BTBD9: variants seen among roughly 807,000 people sequenced by gnomAD.
BTBD9 encodes the protein BTB/POZ domain-containing protein 9.
In BTBD9, 49 loss-of-function variants were observed where a neutral mutation model predicts 64.3. That is an observed-to-expected ratio of 0.76 (90% confidence interval 0.61 to 0.97). The LOEUF is 0.97. BTBD9 is among the 50% of genes least tolerant of loss of function. BTBD9 has a pLI of 0.00. For missense variants in BTBD9, 598 were observed against 762.1 expected, an observed-to-expected ratio of 0.78 and a Z score of 2.53; for synonymous variants, 260 against 274.7, an observed-to-expected ratio of 0.95 and a Z score of 0.53.
chr6:38,182,649 A>C (rs549342507), intron 10 of BTBD9, among the ~76,000 whole-genome samples: 18 of 152,222 alleles, frequency 1.2e-4, no homozygotes, highest in African/African-American at 4.3e-4. Context: ...CTTCTGTCTC[A>C]AAGGGCTCCA....
intron 6 of BTBD9, among the ~76,000 whole-genome samples, chr6:38,474,789 G>C (rs1770804292): frequency 6.6e-6 from 1 of 151,686 alleles, no homozygotes; most frequent in Non-Finnish European, 1.5e-5. Context: ...CAAATTTTTA[G>C]TCCACATCAT....
rs180761028 is a variant in BTBD9, at chr6:38,441,478, C to G, written c.1155-96385G>C. Among the ~76,000 whole-genome samples the G allele has an allele frequency of 3.1e-3, 472 of 152,128 alleles. 2 individuals are homozygous for G. Among genetic ancestry groups the G allele is most frequent in the African/African-American group, 0.011 (451 of 41,516 alleles). On this transcript the variant is annotated intron_variant, in intron 6 of 10. Transcript: ENST00000481247. ...AGTCTGTCGTCCGGGCTGGACAACG[C>G]GAGCCAATCATGGCTCACGGCAGCC...
In BTBD9 at chr6:38,580,292, G is replaced by A. The variant is rs771686344; in HGVS notation, c.960C>T (p.Ser320=). 3.7e-5 allele frequency: 59 copies of A among 1,614,008 alleles called. No individual in the cohort carries two copies. Among genetic ancestry groups the A allele is most frequent in the African/African-American group, 1.6e-4 (12 of 74,906 alleles). The change falls in exon 5 of 11, where the codon TCC becomes TCT. Residue 320 remains serine, a synonymous_variant. Transcript: ENST00000481247. ...SRHPIDDDCR[S]GIEIKLGQPS... is the part of the protein sequence containing the mutation. ...GCTGACCTAGCTTAATCTCGATGCC[G>A]GAACGGCAGTCATCATCAATTGGGT...
rs538379842 is a variant in BTBD9, at chr6:38,227,352, T to C, written c.1562+29057A>G. Among the ~76,000 whole-genome samples, 5 of 152,306 alleles carry C rather than the reference T, an allele frequency of 3.3e-5. No individual in the cohort carries two copies. The South Asian group carries it at 1.0e-3, about 32-fold the overall frequency. Reference sequence around the variant, plus strand: ...TTTAGTAGGCGGTTACATTCTTCTATATGCTGGTTTTTAATTCCTTGGATC... The same window carrying C: ...TTTAGTAGGCGGTTACATTCTTCTACATGCTGGTTTTTAATTCCTTGGATC... On this transcript the variant is annotated intron_variant, in intron 9 of 10. Coordinates refer to ENST00000481247, the MANE Select transcript of BTBD9 (RefSeq NM_001099272.2).
chr6:38,315,503 T>C lies in BTBD9; in HGVS notation c.1265-27042A>G, dbSNP rs1582216793. On this transcript the variant is annotated intron_variant, in intron 7 of 10. Coordinates refer to ENST00000481247, the MANE Select transcript of BTBD9 (RefSeq NM_001099272.2). ...TTTAAATCCCACAGGTTTTGGTATG[T>C]TGTGTTTCCATTATCATTTGTTTCA... Among the ~76,000 whole-genome samples, 3 of 152,232 alleles carry C rather than the reference T, an allele frequency of 2.0e-5. No homozygotes were observed. The South Asian group carries it at 6.2e-4, about 32-fold the overall frequency.
intron 8 of BTBD9, among the ~76,000 whole-genome samples, chr6:38,274,544 G>A (rs986703337): frequency 4.6e-5 from 7 of 152,168 alleles, no homozygotes; most frequent in Non-Finnish European, 8.8e-5. Context: ...ATTATTTTGA[G>A]ATGCGTCCCA....
chr6:38,279,782 C>G (rs1761439655), intron 8 of BTBD9, among the ~76,000 whole-genome samples: 1 of 152,122 alleles, frequency 6.6e-6, no homozygotes. Context: ...CTTAACAATT[C>G]TAGATAATTA....
intron 5 of BTBD9, among the ~76,000 whole-genome samples, chr6:38,579,165 G>T (rs1032193005): frequency 7.2e-5 from 11 of 152,024 alleles, no homozygotes; most frequent in Non-Finnish European, 1.6e-4. Flanking sequence ...AGATAACCTG[G>T]GGATCTCACA....
chr6:38,246,466 G>A (rs1764208398), intron 9 of BTBD9, among the ~76,000 whole-genome samples: 1 of 151,994 alleles, frequency 6.6e-6, no homozygotes, highest in Admixed American at 6.6e-5. Context: ...ACGTACGTGT[G>A]TGTGTGTGTG....
intron 4 of BTBD9, among the ~76,000 whole-genome samples, chr6:38,585,238 A>G (rs1776462249): frequency 1.3e-5 from 2 of 152,208 alleles, no homozygotes; most frequent in Admixed American, 1.3e-4. Flanking sequence ...CTAGCACAAT[A>G]AACTATAGTT....
At chr6:38,587,690 A>C in intron 4 of BTBD9, 1 of 628,388 alleles carries the variant, frequency 1.6e-6, no homozygotes. Context: ...CACTTATTGG[A>C]TAGCTTGGAA....
Position 38,192,535 on chromosome 6 carries a change from T to C in BTBD9, c.1625A>G (p.His542Arg), listed in dbSNP as rs765152820. The change falls in exon 10 of 11, where the codon CAC (histidine) becomes CGC (arginine). Residue 542 changes from histidine (H) to arginine (R), a missense_variant. By Grantham distance (29) the His-to-Arg change is conservative. Coordinates refer to ENST00000481247, the MANE Select transcript of BTBD9 (RefSeq NM_001099272.2). ...GACCCTTACCTCATTTGCTGTGTTG[T>C]GTGTCCCAACGATACGGATGAAGGA... Reference protein sequence around the residue: ...PASFIRIVGTHNTANEVFHCV... With the variant: ...PASFIRIVGTRNTANEVFHCV... The C allele has an allele frequency of 6.2e-7, 1 of 1,613,868 alleles. No individual in the cohort carries two copies. Among genetic ancestry groups the C allele is most frequent in the South Asian group, 1.1e-5 (1 of 91,048 alleles).
rs1301762116 is a variant in BTBD9, at chr6:38,639,921, G to C, written c.-149C>G. On this transcript the variant is annotated 5_prime_UTR_variant, in exon 1 of 11. Coordinates refer to ENST00000481247, the MANE Select transcript of BTBD9 (RefSeq NM_001099272.2). Reference sequence around the variant, plus strand: ...TGGCCGCCGTCCTCGCCGCCGCCCCGGCTGCTGCGGCGCGCGTCCGCTTTC... The same window carrying C: ...TGGCCGCCGTCCTCGCCGCCGCCCCCGCTGCTGCGGCGCGCGTCCGCTTTC... 2 of 152,308 alleles carry C rather than the reference G, an allele frequency of 1.3e-5. No individual in the cohort carries two copies. Among genetic ancestry groups the C allele is most frequent in the Admixed American group, 1.3e-4 (2 of 15,278 alleles). 9.4% of individuals were successfully genotyped at this position (152,308 alleles called of 1,614,324 possible).
intron 6 of BTBD9, among the ~76,000 whole-genome samples, chr6:38,452,870 C>T (rs1364003361): frequency 6.6e-6 from 1 of 152,044 alleles, no homozygotes; most frequent in African/African-American, 2.4e-5. Context: ...ATGCCTTTTC[C>T]TTAATGTGAT....
chr6:38,244,657 A>G (rs1764121021), intron 9 of BTBD9, among the ~76,000 whole-genome samples: 1 of 152,186 alleles, frequency 6.6e-6, no homozygotes, highest in African/African-American at 2.4e-5. Flanking sequence ...AGTGGTTAAA[A>G]ATAAAGGTAA....
chr6:38,280,719 G>A (rs1761478470), intron 8 of BTBD9, among the ~76,000 whole-genome samples: 1 of 152,204 alleles, frequency 6.6e-6, no homozygotes. Context: ...CATCACCTGT[G>A]CTAATGTCAG....
Position 38,172,022 on chromosome 6 carries a change from G to A in BTBD9, c.*2963C>T, listed in dbSNP as rs1766812965. 1 of 152,002 alleles carries A rather than the reference G, an allele frequency of 6.6e-6. No homozygotes were observed. Among genetic ancestry groups the A allele is most frequent in the Non-Finnish European group, 1.5e-5 (1 of 68,014 alleles). The allele number at this position is 152,002 out of a possible 1,614,324, so 9.4% of individuals were successfully genotyped here. ...GTTACTGAGGACCATTGCCCTCATG[G>A]GCCCAGGCCACAGGCACCCACCTGT... On this transcript the variant is annotated 3_prime_UTR_variant, in exon 11 of 11. Transcript: ENST00000481247.
At chr6:38,205,179 C>T (rs1762591696) in intron 9 of BTBD9, among the ~76,000 whole-genome samples, 1 of 152,120 alleles carries the variant, frequency 6.6e-6, no homozygotes, top group African/African-American at 2.4e-5. Context: ...GCCAAAGTCA[C>T]ACAACAAATT....
At chr6:38,284,980 G>A (rs1238958375) in intron 8 of BTBD9, among the ~76,000 whole-genome samples, 4 of 141,068 alleles carry the variant, frequency 2.8e-5, no homozygotes, top group Non-Finnish European at 6.2e-5. Flanking sequence ...AGAGTCCAGA[G>A]TAGCACAGGG....
Sources: allele counts gnomAD v4.1 joint callset (sites outside exome capture counted in the v4.1 genomes callset), GRCh38; gene constraint gnomAD v4.1.1; transcripts MANE v1.5; gene names NCBI Gene and HGNC (gene_info 2026-07-23, HGNC 2026-07-21).